ALPK2: variants seen among roughly 807,000 people sequenced by gnomAD.
The protein encoded by ALPK2 is alpha kinase 2, also known as alpha-protein kinase 2.
A neutral mutation model predicts 163.1 loss-of-function variants in ALPK2; 127 were observed. The observed-to-expected ratio is 0.78, with a 90% CI of 0.67 to 0.90. The LOEUF is 0.90. Among genes scored for constraint, ALPK2 ranks in the 40% least tolerant of loss-of-function variants. The pLI is 0.00. For synonymous variants in ALPK2, 953 were observed against 959.1 expected, an observed-to-expected ratio of 0.99 and a Z score of 0.12; for missense variants, 2,360 against 2,589.6, an observed-to-expected ratio of 0.91 and a Z score of 1.92.
At chr18:58,512,995 GTGTT>G (rs2051501324) in intron 10 of ALPK2, among the ~76,000 whole-genome samples, 1 of 145,874 alleles carries the variant, frequency 6.9e-6, no homozygotes, top group South Asian at 2.3e-4. Context: ...TGTGTGGTGT[GTGTT>G]GTGTGTTTAT....
chr18:58,524,166 T>C (rs2051572118), intron 6 of ALPK2, 104 bp from the exon 7 acceptor site: 1 of 1,460,156 alleles, frequency 6.8e-7, no homozygotes, highest in East Asian at 2.3e-5. Flanking sequence ...TGCTCACATG[T>C]TTTCAGCCAG....
At chr18:58,500,923 G>C (rs2051428658) in intron 11 of ALPK2, among the ~76,000 whole-genome samples, 1 of 152,166 alleles carries the variant, frequency 6.6e-6, no homozygotes, top group Non-Finnish European at 1.5e-5. Flanking sequence ...AAACCTGCAG[G>C]ACCTGGCATA....
intron 4 of ALPK2, among the ~76,000 whole-genome samples, chr18:58,550,526 A>ACCTACAACCCCATCCCCATCTCCC (rs2051750818): frequency 6.6e-6 from 1 of 152,072 alleles, no homozygotes; most frequent in Non-Finnish European, 1.5e-5. Context: ...CCCCATCTCC[A>ACCTACAACCCCATCCCCATCTCCC]TCACCTACAA....
chr18:58,565,750 CCTTCCTTCCTTCCTTCCTTCCTTT>C (rs2051848782), intron 4 of ALPK2, among the ~76,000 whole-genome samples: 1 of 143,692 alleles, frequency 7.0e-6, no homozygotes, highest in Non-Finnish European at 1.5e-5. Flanking sequence ...TTCCTTCCTT[CCTTCCTTCCTTCCTTCCTTCCTTT>C]CTTTCTTTCT....
intron 4 of ALPK2, 78 bp downstream of exon 4, chr18:58,578,736 A>ACACACACGCGCGCGCGCGCGCGTGCACG (rs773192836): frequency 1.3e-6 from 1 of 741,176 alleles, no homozygotes; most frequent in African/African-American, 1.9e-5. Context: ...AGGAAGAGAC[A>ACACACACGCGCGCGCGCGCGCGTGCACG]CACACACACA....
intron 12 of ALPK2, 52 bp downstream of exon 12, chr18:58,497,997 G>A (rs1276762129): frequency 1.2e-5 from 18 of 1,550,674 alleles, no homozygotes; most frequent in African/African-American, 4.1e-5. Flanking sequence ...TGCCTGGAAG[G>A]TGTCTGTAAG....
intron 10 of ALPK2, chr18:58,511,596 G>C (rs570270127): frequency 5.3e-4 from 81 of 152,184 alleles, no homozygotes; most frequent in African/African-American, 1.9e-3. Flanking sequence ...TTGAGCCAAA[G>C]GTGCTTGGAA....
chr18:58,611,750 A>G lies in ALPK2; in HGVS notation c.48T>C (p.Ser16=), dbSNP rs1423937442. 6.8e-6 allele frequency: 11 copies of G among 1,612,630 alleles called. No homozygotes were observed. The highest frequency in any genetic ancestry group is 8.5e-6 in the Non-Finnish European group (10 of 1,179,500). Residue 16 remains serine (S), a synonymous_variant, in exon 2 of 13, where the codon TCT becomes TCC. Transcript: ENST00000361673. The stretch of plus-strand genomic sequence containing the variant: ...CAGGAACCTTCTGGGAAAGCAATGT[A>G]GATAAAAAACACAGCGGGGGCCTCT... ...GPQRPPLCFL[S]TLLSQKVPEK... is the part of the protein sequence containing the mutation.
At chr18:58,525,617 G>C (rs2051580299) in intron 6 of ALPK2, among the ~76,000 whole-genome samples, 1 of 152,168 alleles carries the variant, frequency 6.6e-6, no homozygotes. Context: ...ATACATGTAG[G>C]AGTCAGAAAG....
chr18:58,499,246 T>C (rs913221657), intron 11 of ALPK2, among the ~76,000 whole-genome samples: 2 of 152,112 alleles, frequency 1.3e-5, no homozygotes, highest in African/African-American at 4.8e-5. Flanking sequence ...TAGGCACCCA[T>C]TGCAAGCATA....
chr18:58,562,070 A>T (rs1183885267), intron 4 of ALPK2, among the ~76,000 whole-genome samples: 1 of 152,042 alleles, frequency 6.6e-6, no homozygotes, highest in Non-Finnish European at 1.5e-5. Flanking sequence ...TTTCTTATGG[A>T]GCTTGAGTTC....
At chr18:58,522,778 C>T (rs1014247686) in intron 8 of ALPK2, among the ~76,000 whole-genome samples, 7 of 152,188 alleles carry the variant, frequency 4.6e-5, no homozygotes, top group Non-Finnish European at 8.8e-5. Flanking sequence ...TCCCCCTCTA[C>T]GTGTTCCCCA....
intron 1 of ALPK2, among the ~76,000 whole-genome samples, chr18:58,618,046 A>AAT (rs1281055899): frequency 2.5e-4 from 38 of 152,170 alleles, no homozygotes; most frequent in African/African-American, 8.2e-4. Flanking sequence ...TCACATTAAA[A>AAT]ATATATATAT....
intron 10 of ALPK2, among the ~76,000 whole-genome samples, chr18:58,509,728 GTTGT>G (rs1310654160): frequency 1.3e-5 from 2 of 151,980 alleles, no homozygotes; most frequent in South Asian, 2.1e-4. Flanking sequence ...TGTTGATGGG[GTTGT>G]TTGTTTTTTT....
In ALPK2 at chr18:58,503,917, G is replaced by A. The variant is rs199777063; in HGVS notation, c.6247+14C>T. On this transcript the variant is annotated intron_variant, in intron 11 of 12. Coordinates refer to ENST00000361673, the MANE Select transcript of ALPK2 (RefSeq NM_052947.4). ...ACAGCATCCCTGGAGCCTGGGCTAA[G>A]CTGCTTTCCTCACCTTGCATGTCCG... 2.5e-6 allele frequency: 4 copies of A among 1,607,412 alleles called. No homozygotes were observed. In the South Asian group the frequency reaches 3.3e-5, roughly 13 times the overall value.
In ALPK2 at chr18:58,515,096, T is replaced by TAGAAAGTC. The variant is rs781229931; in HGVS notation, c.5941-16_5941-15insGACTTTCT. ...ACATAGCATTCCTATATCGCCAAAA[T>TAGAAAGTC]ACATAGAAAGCCCCAGTGACTACAG... On this transcript the variant is annotated splice_polypyrimidine_tract_variant and intron_variant, in intron 9 of 12. Coordinates refer to ENST00000361673, the MANE Select transcript of ALPK2 (RefSeq NM_052947.4). 39 of 1,596,388 alleles carry TAGAAAGTC rather than the reference T, an allele frequency of 2.4e-5. No individual in the cohort carries two copies. The highest frequency in any genetic ancestry group is 1.7e-4 in the Middle Eastern group (1 of 6,008).
At chr18:58,549,943 G>A (rs935890505) in intron 4 of ALPK2, among the ~76,000 whole-genome samples, 4 of 152,046 alleles carry the variant, frequency 2.6e-5, no homozygotes, top group Non-Finnish European at 5.9e-5. Flanking sequence ...ATTGCAAAAC[G>A]TGGAGTCAGG....
In ALPK2 at chr18:58,529,253, T is replaced by G. The variant is rs759594298; in HGVS notation, c.5354-15A>C. On this transcript the variant is annotated splice_polypyrimidine_tract_variant and intron_variant, in intron 5 of 12. Coordinates refer to ENST00000361673, the MANE Select transcript of ALPK2 (RefSeq NM_052947.4). ...TAATACTGGAGCTAGAAACAAGATA[T>G]TTGAAGGTCAGTGTAACAAAAGACT... The G allele has an allele frequency of 1.2e-6, 2 of 1,606,480 alleles. No individual in the cohort carries two copies. Among genetic ancestry groups the G allele is most frequent in the Non-Finnish European group, 1.7e-6 (2 of 1,176,078 alleles).
chr18:58,504,923 G>A (rs907615121), intron 10 of ALPK2, among the ~76,000 whole-genome samples: 5 of 152,158 alleles, frequency 3.3e-5, no homozygotes, highest in Non-Finnish European at 7.4e-5. Flanking sequence ...AATGCTCAGG[G>A]CAGGAGCAGC....
Sources: allele counts gnomAD v4.1 joint callset (sites outside exome capture counted in the v4.1 genomes callset), GRCh38; gene constraint gnomAD v4.1.1; transcripts MANE v1.5; gene names NCBI Gene and HGNC (gene_info 2026-07-23, HGNC 2026-07-21).